CCL8: variants seen among roughly 807,000 people sequenced by gnomAD.
CCL8 encodes the protein C-C motif chemokine ligand 8, also known as C-C motif chemokine 8.
CCL8 carries 3 observed loss-of-function variants against 6.6 expected under a neutral mutation model. The ratio of observed to expected loss-of-function variants is 0.45; its 90% confidence interval spans 0.21 to 1.17. The LOEUF is 1.17. Among genes scored for constraint, CCL8 ranks in the 50% most tolerant of loss-of-function variants. The pLI is 0.24. For synonymous variants in CCL8, 49 were observed against 41.8 expected (o/e 1.17, Z -0.67); for missense variants, 127 against 118.1 (o/e 1.08, Z -0.35).
chr17:34,319,443 T>G lies in CCL8; in HGVS notation c.-59T>G. The G allele has an allele frequency of 1.4e-5, 21 of 1,499,336 alleles. No homozygotes were observed. Among genetic ancestry groups the G allele is most frequent in the Non-Finnish European group, 1.8e-5 (19 of 1,077,630 alleles). The allele number at this position is 1,499,336 out of a possible 1,614,324, so 92.9% of individuals were successfully genotyped here. A position where few individuals can be genotyped will look rare whatever the true frequency, so the allele number is the denominator to read the frequency against. On this transcript the variant is annotated 5_prime_UTR_variant, in exon 1 of 3. Transcript: ENST00000394620. ...CAGAGCCACCGAGGAGCAGAGAGGTTGAGAACAACCCAGAAACCTTCACCT... is the reference window on the plus strand; with the variant it reads ...CAGAGCCACCGAGGAGCAGAGAGGTGGAGAACAACCCAGAAACCTTCACCT...
In CCL8 at chr17:34,320,298, T is replaced by C. The variant is rs1346211454; in HGVS notation, c.106T>C (p.Phe36Leu). 6.2e-7 allele frequency: 1 copy of C among 1,613,566 alleles called. No homozygotes were observed. The highest frequency in any genetic ancestry group is 1.1e-5 in the South Asian group (1 of 91,074). The change falls in exon 2 of 3, where the codon TTT (phenylalanine) becomes CTT (leucine). Residue 36 changes from phenylalanine to leucine, a missense_variant. Coordinates refer to ENST00000394620, the MANE Select transcript of CCL8 (RefSeq NM_005623.3). ...DSVSIPITCCFNVINRKIPIQ... is the reference protein window; with the variant it reads ...DSVSIPITCCLNVINRKIPIQ... ...AGTTTCCATTCCAATCACCTGCTGCTTTAACGTGATCAATAGGAAAATTCC... is the reference window on the plus strand; with the variant it reads ...AGTTTCCATTCCAATCACCTGCTGCCTTAACGTGATCAATAGGAAAATTCC...
intron 2 of CCL8, 141 bp from the exon 3 acceptor site, chr17:34,320,661 C>T (rs1460655309): frequency 8.1e-6 from 5 of 619,336 alleles, no homozygotes; most frequent in Non-Finnish European, 1.4e-5. Context: ...TTCTTCCTCC[C>T]ACTCTTCCCC....
In CCL8 at chr17:34,321,259, C is replaced by T. The variant is rs1295405964; in HGVS notation, c.*352C>T. On this transcript the variant is annotated 3_prime_UTR_variant, in exon 3 of 3. Transcript: ENST00000394620. The stretch of plus-strand genomic sequence containing the variant: ...TCCCATGGATCATCAAGGTGAAACA[C>T]TTTGGTATTCTTTGGCAATCAGTGC... 1 of 210,294 alleles carries T rather than the reference C, an allele frequency of 4.8e-6. No homozygotes were observed. The highest frequency in any genetic ancestry group is 6.2e-5 in the Admixed American group (1 of 16,016). 13.0% of individuals were successfully genotyped at this position (210,294 alleles called of 1,614,324 possible). A position where few individuals can be genotyped will look rare whatever the true frequency, so the allele number is the denominator to read the frequency against.
At position 34,321,093 on chromosome 17, in the gene CCL8, T is replaced by C; in HGVS notation, c.*186T>C. On this transcript the variant is annotated 3_prime_UTR_variant, in exon 3 of 3. Coordinates refer to ENST00000394620, the MANE Select transcript of CCL8 (RefSeq NM_005623.3). The stretch of plus-strand genomic sequence containing the variant: ...ATTTAAGTTGTTGATGTTTTAACTC[T>C]ATCTGTCATACATCCTAGTGAATGT... 1 of 507,336 alleles carries C rather than the reference T, an allele frequency of 2.0e-6. No homozygotes were observed. The highest frequency in any genetic ancestry group is 3.4e-6 in the Non-Finnish European group (1 of 295,674). 31.4% of individuals were successfully genotyped at this position (507,336 alleles called of 1,614,324 possible). A position where few individuals can be genotyped will look rare whatever the true frequency, so the allele number is the denominator to read the frequency against.
intron 2 of CCL8, 21 bp from the exon 3 acceptor site, chr17:34,320,781 T>A (rs1480845895): frequency 6.8e-7 from 1 of 1,468,184 alleles, no homozygotes; most frequent in African/African-American, 1.4e-5. Flanking sequence ...TCCATCTAAT[T>A]GTGCCCTCTC....
Position 34,321,043 on chromosome 17 carries a change from T to A in CCL8, c.*136T>A. On this transcript the variant is annotated 3_prime_UTR_variant, in exon 3 of 3. Coordinates refer to ENST00000394620, the MANE Select transcript of CCL8 (RefSeq NM_005623.3). Reference sequence around the variant, plus strand: ...TATTTTTAAATAATTTAAAGCATAATATTTCTTAAAAAGTATTTAATTATA... The same window carrying A: ...TATTTTTAAATAATTTAAAGCATAAAATTTCTTAAAAAGTATTTAATTATA... The A allele has an allele frequency of 3.4e-6, 2 of 582,854 alleles. No homozygotes were observed. The highest frequency in any genetic ancestry group is 6.0e-6 in the Non-Finnish European group (2 of 335,336). The allele number at this position is 582,854 out of a possible 1,614,324, so 36.1% of individuals were successfully genotyped here.
rs771469853 is a variant in CCL8 at position 34,319,533 on chromosome 17, T to G, written c.32T>G (p.Leu11Arg). The change falls in exon 1 of 3, where the codon CTG becomes CGG. Residue 11 changes from leucine (L) to arginine (R), a missense_variant. Physicochemically the swap from Leu to Arg is moderately radical, Grantham distance 102. Coordinates refer to ENST00000394620, the MANE Select transcript of CCL8 (RefSeq NM_005623.3). ...GTTTCTGCAGCGCTTCTGTGCCTGCTGCTCATGGCAGCCACTTTCAGCCCT... is the reference window on the plus strand; with the variant it reads ...GTTTCTGCAGCGCTTCTGTGCCTGCGGCTCATGGCAGCCACTTTCAGCCCT... The part of the protein sequence containing the change: MKVSAALLCL[L>R]LMAATFSPQG... The G allele has an allele frequency of 1.2e-6, 2 of 1,613,926 alleles. No individual in the cohort carries two copies. The highest frequency in any genetic ancestry group is 2.2e-5 in the South Asian group (2 of 91,078).
At chr17:34,319,825 C>T (rs1351295551) in intron 1 of CCL8, among the ~76,000 whole-genome samples, 2 of 152,036 alleles carry the variant, frequency 1.3e-5, no homozygotes, top group Admixed American at 6.5e-5. Flanking sequence ...CATTTCAGGC[C>T]GTAGTGGAGA....
chr17:34,320,069 A>T (rs1370405481), intron 1 of CCL8, among the ~76,000 whole-genome samples, 200 bp from the exon 2 acceptor site: 1 of 152,190 alleles, frequency 6.6e-6, no homozygotes, highest in African/African-American at 2.4e-5. Context: ...AATGTTTCCA[A>T]ACCCAGTCAA....
chr17:34,319,643 T>A (rs1909462175), intron 1 of CCL8, 66 bp downstream of exon 1: 1 of 1,241,870 alleles, frequency 8.1e-7, no homozygotes, highest in Middle Eastern at 1.9e-4. Flanking sequence ...ATGTCACAGC[T>A]CATTAGGAAC....
intron 2 of CCL8, 46 bp downstream of exon 2, chr17:34,320,432 C>A: frequency 3.3e-6 from 4 of 1,209,820 alleles, no homozygotes; most frequent in Non-Finnish European, 3.7e-6. Context: ...TTCTGATGGA[C>A]AACATAGAGA....
At position 34,320,771 on chromosome 17, in the gene CCL8, T is replaced by C. The variant is rs371367162; in HGVS notation, c.195-31T>C. The C allele has an allele frequency of 2.4e-5, 33 of 1,363,062 alleles. 1 individual carries two copies. Among genetic ancestry groups the C allele is most frequent in the Non-Finnish European group, 3.2e-5 (31 of 966,274 alleles). The allele number at this position is 1,363,062 out of a possible 1,614,324, so 84.4% of individuals were successfully genotyped here. On this transcript the variant is annotated intron_variant, in intron 2 of 2. Coordinates refer to ENST00000394620, the MANE Select transcript of CCL8 (RefSeq NM_005623.3). ...GTCCTGTGCAGGATCTTCAAAGTCT[T>C]CCATCTAATTGTGCCCTCTCTCCCC... is the stretch of plus-strand genomic sequence containing the variant.
chr17:34,320,342 C>A lies in CCL8; in HGVS notation c.150C>A (p.Ser50Arg), dbSNP rs572803401. The A allele has an allele frequency of 2.5e-6, 4 of 1,613,524 alleles. No individual in the cohort carries two copies. The Admixed American group carries it at 6.7e-5, about 27-fold the overall frequency. The change falls in exon 2 of 3, where the codon AGC (serine) becomes AGA (arginine). Residue 50 changes from serine (S) to arginine (R), a missense_variant. Ser to Arg is a moderately radical substitution (Grantham distance 110). Coordinates refer to ENST00000394620, the MANE Select transcript of CCL8 (RefSeq NM_005623.3). ...NRKIPIQRLE[S>R]YTRITNIQCP... ...AAATTCCTATCCAGAGGCTGGAGAG[C>A]TACACAAGAATCACCAACATCCAAT...
rs751496703 is a variant in CCL8, at chr17:34,320,413, A to T, written c.194+27A>T. The stretch of plus-strand genomic sequence containing the variant: ...TGAGTGGACAGTGCCTGGCACCCCC[A>T]TTCAAAAGTTCTGATGGACAACATA... On this transcript the variant is annotated intron_variant, in intron 2 of 2. Transcript: ENST00000394620. 2.8e-6 allele frequency: 4 copies of T among 1,411,510 alleles called. No homozygotes were observed. In the Admixed American group the frequency reaches 6.7e-5, roughly 24 times the overall value. The allele number at this position is 1,411,510 out of a possible 1,614,324, so 87.4% of individuals were successfully genotyped here.
chr17:34,321,141 T>C lies in CCL8; in HGVS notation c.*234T>C, dbSNP rs200578039. The C allele has an allele frequency of 3.9e-5, 16 of 408,538 alleles. No homozygotes were observed. The South Asian group carries it at 5.9e-4, about 15-fold the overall frequency. The allele number at this position is 408,538 out of a possible 1,614,324, so 25.3% of individuals were successfully genotyped here. On this transcript the variant is annotated 3_prime_UTR_variant, in exon 3 of 3. Transcript: ENST00000394620. Reference sequence around the variant, plus strand: ...TGTAAAATGCAAAATCCTGGTGATGTGTTTTTTGTTTTTGTTTTCCTGTGA... The same window carrying C: ...TGTAAAATGCAAAATCCTGGTGATGCGTTTTTTGTTTTTGTTTTCCTGTGA...
At position 34,319,541 on chromosome 17, in the gene CCL8, G is replaced by A; in HGVS notation, c.40G>A (p.Ala14Thr). ...SAALLCLLLMAATFSPQGLAQ... is the reference protein window; with the variant it reads ...SAALLCLLLMTATFSPQGLAQ... Reference sequence around the variant, plus strand: ...AGCGCTTCTGTGCCTGCTGCTCATGGCAGCCACTTTCAGCCCTCAGGGACT... The same window carrying A: ...AGCGCTTCTGTGCCTGCTGCTCATGACAGCCACTTTCAGCCCTCAGGGACT... The change falls in exon 1 of 3, where the codon GCA becomes ACA. Residue 14 changes from alanine (A) to threonine (T), a missense_variant. By Grantham distance (58) the Ala-to-Thr change is moderately conservative (BLOSUM62 0). Coordinates refer to ENST00000394620, the MANE Select transcript of CCL8 (RefSeq NM_005623.3). The A allele has an allele frequency of 6.2e-7, 1 of 1,613,880 alleles. No homozygotes were observed. The highest frequency in any genetic ancestry group is 8.5e-7 in the Non-Finnish European group (1 of 1,179,844).
In CCL8 at chr17:34,319,578, G is replaced by GT. The variant is rs751514779; in HGVS notation, c.76+2dup. ...AGCCCTCAGGGACTTGCTCAGCCAG[G>GT]TAAGACCTCTCCCTTTTTAAGGGGA... On this transcript the variant is annotated splice_donor_variant, in intron 1 of 2. Coordinates refer to ENST00000394620, the MANE Select transcript of CCL8 (RefSeq NM_005623.3). LOFTEE classifies it high-confidence loss of function. The GT allele has an allele frequency of 6.2e-7, 1 of 1,611,692 alleles. No homozygotes were observed. The highest frequency in any genetic ancestry group is 8.5e-7 in the Non-Finnish European group (1 of 1,178,032).
chr17:34,321,375 A>G lies in CCL8; in HGVS notation c.*468A>G. ...GGAATTTTGAAAAAAAATTTCAAAA[A>G]GAAAAAAATATATATAATTTAAAAC... is the stretch of plus-strand genomic sequence containing the variant. On this transcript the variant is annotated 3_prime_UTR_variant, in exon 3 of 3. Transcript: ENST00000394620. The G allele has an allele frequency of 6.5e-6, 1 of 152,684 alleles. No homozygotes were observed. Among genetic ancestry groups the G allele is most frequent in the Middle Eastern group, 3.4e-3 (1 of 296 alleles). The allele number at this position is 152,684 out of a possible 1,614,324, so 9.5% of individuals were successfully genotyped here.
At position 34,320,362 on chromosome 17, in the gene CCL8, T is replaced by C. The variant is rs924423101; in HGVS notation, c.170T>C (p.Ile57Thr). The change falls in exon 2 of 3, where the codon ATC becomes ACC. Residue 57 changes from isoleucine to threonine, a missense_variant. Ile to Thr is a moderately conservative substitution (Grantham distance 89). Transcript: ENST00000394620. Reference protein sequence around the residue: ...RLESYTRITNIQCPKEAVIFK... With the variant: ...RLESYTRITNTQCPKEAVIFK... ...GAGAGCTACACAAGAATCACCAACA[T>C]CCAATGTCCCAAGGAAGCTGTGATG... The C allele has an allele frequency of 3.7e-6, 6 of 1,612,118 alleles. No homozygotes were observed. The African/African-American group carries it at 5.3e-5, about 14-fold the overall frequency.
Sources: allele counts gnomAD v4.1 joint callset (sites outside exome capture counted in the v4.1 genomes callset), GRCh38; gene constraint gnomAD v4.1.1; transcripts MANE v1.5; gene names NCBI Gene and HGNC (gene_info 2026-07-23, HGNC 2026-07-21).